The following GNG7 variants were observed in gnomAD, a reference collection of about 807,000 sequenced individuals.
GNG7 encodes guanine nucleotide-binding protein G(I)/G(S)/G(O) subunit gamma-7.
In GNG7, 1 loss-of-function variant was observed where a neutral mutation model predicts 4.0. That is an observed-to-expected ratio of 0.25 (90% CI 0.09 to 1.18). GNG7 has a LOEUF of 1.18. Among genes scored for constraint, GNG7 ranks in the 50% most tolerant of loss-of-function variants. The probability of loss-of-function intolerance (pLI) is 0.50; values close to 1 mark genes in which losing one functional copy is unlikely to be tolerated. For missense variants in GNG7, 86 were observed against 91.9 expected, an observed-to-expected ratio of 0.94 and a Z score of 0.26; for synonymous variants, 34 against 36.9, an observed-to-expected ratio of 0.92 and a Z score of 0.29.
chr19:2,568,662 C>CAAATACACAT (rs1980036603), intron 2 of GNG7, among the ~76,000 whole-genome samples: 1 of 150,762 alleles, frequency 6.6e-6, no homozygotes, highest in Admixed American at 6.6e-5. Context: ...CACATATACA[C>CAAATACACAT]ATACACATAC....
At chr19:2,696,188 GA>G (rs1913242360) in intron 1 of GNG7, among the ~76,000 whole-genome samples, 1 of 123,096 alleles carries the variant, frequency 8.1e-6, no homozygotes, top group Non-Finnish European at 1.9e-5. Flanking sequence ...AGAGAGAGGA[GA>G]GAGAGGGGAG....
At chr19:2,675,077 T>C (rs1409976425) in intron 1 of GNG7, among the ~76,000 whole-genome samples, 1 of 152,206 alleles carries the variant, frequency 6.6e-6, no homozygotes, top group Non-Finnish European at 1.5e-5. Flanking sequence ...TTTTAACACA[T>C]GGAAAACGCG....
In GNG7 at chr19:2,635,992, G is replaced by A. The variant is rs150857449; in HGVS notation, c.-78+10232C>T. Among the ~76,000 whole-genome samples the A allele has an allele frequency of 8.2e-3, 1,242 of 152,284 alleles. 22 individuals carry two copies. The highest frequency in any genetic ancestry group is 0.028 in the African/African-American group (1,165 of 41,550). ...CATGGAGTGGGTGGAGGCCCGGGAC[G>A]CTGCTCAGCAGCCTGCAGTGCCCAG... On this transcript the variant is annotated intron_variant, in intron 2 of 4. Coordinates refer to ENST00000382159, the MANE Select transcript of GNG7 (RefSeq NM_052847.3).
intron 2 of GNG7, among the ~76,000 whole-genome samples, chr19:2,578,425 C>T (rs947484578): frequency 6.6e-6 from 1 of 152,162 alleles, no homozygotes; most frequent in Non-Finnish European, 1.5e-5. Flanking sequence ...ATGCTTGCTC[C>T]GATCCTTTGT....
chr19:2,574,631 C>T (rs369994950), intron 2 of GNG7, among the ~76,000 whole-genome samples: 38 of 152,176 alleles, frequency 2.5e-4, no homozygotes, highest in African/African-American at 8.2e-4. Flanking sequence ...CACTGATGGG[C>T]GCCTGGGGTG....
Position 2,587,782 on chromosome 19 carries a change from G to A in GNG7, c.-77-32594C>T, listed in dbSNP as rs571359443. On this transcript the variant is annotated intron_variant, in intron 2 of 4. Transcript: ENST00000382159. ...CTTGAACCTGGGAGGCAGAGGTTGCGGTGAGCCAAGATCGTGCCACTGCAC... is the reference window on the plus strand; with the variant it reads ...CTTGAACCTGGGAGGCAGAGGTTGCAGTGAGCCAAGATCGTGCCACTGCAC... Among the ~76,000 whole-genome samples the A allele has an allele frequency of 1.3e-4, 19 of 151,768 alleles. No individual in the cohort carries two copies. The East Asian group carries it at 3.1e-3, about 25-fold the overall frequency.
intron 3 of GNG7, among the ~76,000 whole-genome samples, chr19:2,548,666 G>GA: frequency 6.6e-6 from 1 of 151,994 alleles, no homozygotes; most frequent in South Asian, 2.1e-4. Flanking sequence ...GCGCTCGTCT[G>GA]AAATTCCAGC....
intron 3 of GNG7, among the ~76,000 whole-genome samples, chr19:2,539,942 C>T (rs955844666): frequency 4.3e-5 from 6 of 138,922 alleles, no homozygotes; most frequent in Non-Finnish European, 7.8e-5. Flanking sequence ...CTCTCTCCCT[C>T]TCCTTCCTGC....
At chr19:2,654,421 C>G (rs1312748431) in intron 1 of GNG7, among the ~76,000 whole-genome samples, 1 of 152,012 alleles carries the variant, frequency 6.6e-6, no homozygotes, top group Non-Finnish European at 1.5e-5. Flanking sequence ...AACAGCATCC[C>G]TGGCCTCCAC....
chr19:2,570,548 C>T (rs1267156536), intron 2 of GNG7, among the ~76,000 whole-genome samples: 2 of 152,062 alleles, frequency 1.3e-5, no homozygotes, highest in Non-Finnish European at 2.9e-5. Context: ...ATCTCCACAC[C>T]CACTTAGCCG....
At chr19:2,530,767 G>T (rs1978556892) in intron 3 of GNG7, among the ~76,000 whole-genome samples, 1 of 152,142 alleles carries the variant, frequency 6.6e-6, no homozygotes, top group African/African-American at 2.4e-5. Flanking sequence ...CTGCTCAAGG[G>T]CCTGCAGGGT....
intron 2 of GNG7, among the ~76,000 whole-genome samples, chr19:2,603,711 A>G (rs189529928): frequency 1.3e-5 from 2 of 152,242 alleles, no homozygotes; most frequent in Admixed American, 1.3e-4. Context: ...GTTCATTTTT[A>G]TTCACTGTTC....
intron 2 of GNG7, among the ~76,000 whole-genome samples, chr19:2,572,579 A>G (rs10418670): frequency 0.38 from 56,996 of 148,482 alleles, 11,767 homozygotes; most frequent in African/African-American, 0.56. Context: ...CTACAGGTGT[A>G]AGCCACCGCG....
intron 2 of GNG7, among the ~76,000 whole-genome samples, chr19:2,602,470 G>A (rs1981230805): frequency 6.6e-6 from 1 of 152,238 alleles, no homozygotes; most frequent in African/African-American, 2.4e-5. Flanking sequence ...GCGCTGGGGA[G>A]GAGCTGCCAG....
At chr19:2,644,925 C>T (rs1399845108) in intron 2 of GNG7, among the ~76,000 whole-genome samples, 3 of 152,134 alleles carry the variant, frequency 2.0e-5, no homozygotes, top group Non-Finnish European at 4.4e-5. Context: ...ATATTCTTGA[C>T]TTTTGAGTAC....
chr19:2,605,413 G>C (rs1981346740), intron 2 of GNG7, among the ~76,000 whole-genome samples: 1 of 151,022 alleles, frequency 6.6e-6, no homozygotes, highest in Non-Finnish European at 1.5e-5. Context: ...TGGCCAAACA[G>C]GTCTCAAACT....
intron 2 of GNG7, among the ~76,000 whole-genome samples, chr19:2,587,462 T>C (rs1016756902): frequency 3.9e-5 from 6 of 152,082 alleles, no homozygotes; most frequent in Non-Finnish European, 8.8e-5. Context: ...GCTGGGAAAG[T>C]TCCTGGGACC....
chr19:2,553,659 GCACACGTTAC>G (rs1979427859), intron 3 of GNG7, among the ~76,000 whole-genome samples: 2 of 134,624 alleles, frequency 1.5e-5, no homozygotes, highest in African/African-American at 6.3e-5. Flanking sequence ...TTACATACAT[GCACACGTTAC>G]ATGTAATATG....
At chr19:2,537,647 C>G (rs552544532) in intron 3 of GNG7, among the ~76,000 whole-genome samples, 1 of 151,804 alleles carries the variant, frequency 6.6e-6, no homozygotes, top group African/African-American at 2.4e-5. Flanking sequence ...GGACAGGAAG[C>G]TGGAGGCGGG....
Sources: allele counts gnomAD v4.1 joint callset (sites outside exome capture counted in the v4.1 genomes callset), GRCh38; gene constraint gnomAD v4.1.1; transcripts MANE v1.5; gene names NCBI Gene and HGNC (gene_info 2026-07-23, HGNC 2026-07-21).